The following SYT16 variants were observed in gnomAD, a reference collection of about 807,000 sequenced individuals.
The protein encoded by SYT16 is synaptotagmin 16.
A neutral mutation model predicts 61.4 loss-of-function variants in SYT16; 42 were observed. That is an observed-to-expected ratio of 0.68 (90% confidence interval 0.53 to 0.89). SYT16 has a LOEUF of 0.89. Ranked by LOEUF, SYT16 falls within the 40% of genes least tolerant of loss-of-function variation. The pLI is 0.00. For synonymous variants in SYT16, 314 were observed against 302.3 expected (o/e 1.04, Z -0.40); for missense variants, 804 against 807.3 (o/e 1.00, Z 0.05).
chr14:62,092,189 CACACACA>C, intron 7 of SYT16, among the ~76,000 whole-genome samples: 1 of 97,286 alleles, frequency 1.0e-5, no homozygotes, highest in Middle Eastern at 6.2e-3. Flanking sequence ...CACACACACA[CACACACA>C]CACACACACA....
At chr14:61,982,591 CA>C (rs1456476204) in intron 2 of SYT16, among the ~76,000 whole-genome samples, 1 of 152,066 alleles carries the variant, frequency 6.6e-6, no homozygotes, top group African/African-American at 2.4e-5. Context: ...ATGGGAGCTA[CA>C]GTTCAAGAAG....
chr14:61,918,565 A>G (rs1343587599), intron 1 of SYT16, among the ~76,000 whole-genome samples: 1 of 152,202 alleles, frequency 6.6e-6, no homozygotes, highest in Admixed American at 6.5e-5. Context: ...TTAAATGTTT[A>G]TATTCATGGA....
intron 4 of SYT16, among the ~76,000 whole-genome samples, chr14:62,070,962 G>A (rs895975551): frequency 3.3e-5 from 5 of 152,132 alleles, no homozygotes; most frequent in Non-Finnish European, 7.3e-5. Flanking sequence ...CAAGCAGACA[G>A]AATAAAGGAT....
At position 62,051,072 on chromosome 14, in the gene SYT16, G is replaced by T. The variant is rs920566022; in HGVS notation, c.524-18531G>T. On this transcript the variant is annotated intron_variant, in intron 3 of 7. Coordinates refer to ENST00000683842, the MANE Select transcript of SYT16 (RefSeq NM_001367656.1). ...TGGCTATGCCTTGCCCCCAGAGGTG[G>T]AGCCTACAGAGGCAGGCAGGCCTCC... Among the ~76,000 whole-genome samples the T allele has an allele frequency of 3.3e-5, 5 of 152,234 alleles. No individual in the cohort carries two copies. The South Asian group carries it at 1.0e-3, about 31-fold the overall frequency.
At chr14:62,112,575 G>GT (rs2057625991), downstream of SYT16, 1 of 152,022 alleles carries the variant, frequency 6.6e-6, no homozygotes, top group Non-Finnish European at 1.5e-5. Context: ...AATTTTTTAT[G>GT]TTAAAAAAAG....
chr14:62,075,614 A>G (rs1456240998), intron 5 of SYT16, among the ~76,000 whole-genome samples: 1 of 113,782 alleles, frequency 8.8e-6, no homozygotes, highest in Non-Finnish European at 1.8e-5. Flanking sequence ...TAAAAAAAAA[A>G]AAAAAGAAAA....
chr14:61,861,655 T>C (rs771254849), intron 1 of SYT16, among the ~76,000 whole-genome samples: 3 of 152,222 alleles, frequency 2.0e-5, no homozygotes, highest in Non-Finnish European at 4.4e-5. Context: ...TCTGCCCACA[T>C]TGGCCTCCCA....
At chr14:62,040,321 A>T (rs1451036600) in intron 3 of SYT16, among the ~76,000 whole-genome samples, 1 of 152,222 alleles carries the variant, frequency 6.6e-6, no homozygotes, top group African/African-American at 2.4e-5. Context: ...AAAAGAGAGA[A>T]AGATGCTAGA....
intron 1 of SYT16, among the ~76,000 whole-genome samples, chr14:61,888,216 C>T (rs1363332097): frequency 2.0e-5 from 3 of 150,676 alleles, no homozygotes; most frequent in Non-Finnish European, 2.9e-5. Flanking sequence ...CTCCCACGTT[C>T]TAACGATTCT....
intron 3 of SYT16, among the ~76,000 whole-genome samples, chr14:62,046,023 G>A (rs1209258321): frequency 1.3e-5 from 2 of 152,148 alleles, no homozygotes; most frequent in Non-Finnish European, 2.9e-5. Flanking sequence ...CTGAGGAATC[G>A]CCACACTGAC....
chr14:61,856,235 C>T (rs1481635534), intron 1 of SYT16, among the ~76,000 whole-genome samples: 1 of 152,190 alleles, frequency 6.6e-6, no homozygotes, highest in Admixed American at 6.5e-5. Flanking sequence ...CTAACACATA[C>T]ATCTCAACAG....
At position 62,102,249 on chromosome 14, in the gene SYT16, A is replaced by T. The variant is rs2057434724; in HGVS notation, c.*1542A>T. On this transcript the variant is annotated 3_prime_UTR_variant, in exon 8 of 8. Transcript: ENST00000683842. Reference sequence around the variant, plus strand: ...GCTGTAACACTTGAAGAACATATTTATTCCTTACAGTGTGTAATGGTTATC... The same window carrying T: ...GCTGTAACACTTGAAGAACATATTTTTTCCTTACAGTGTGTAATGGTTATC... 1 of 152,210 alleles carries T rather than the reference A, an allele frequency of 6.6e-6. No individual in the cohort carries two copies. Among genetic ancestry groups the T allele is most frequent in the Non-Finnish European group, 1.5e-5 (1 of 68,038 alleles). The allele number at this position is 152,210 out of a possible 1,614,324, so 9.4% of individuals were successfully genotyped here.
At chr14:61,941,560 T>A (rs1380253493) in intron 1 of SYT16, among the ~76,000 whole-genome samples, 1 of 152,208 alleles carries the variant, frequency 6.6e-6, no homozygotes, top group Non-Finnish European at 1.5e-5. Flanking sequence ...CTGTCCTCCA[T>A]GAGATAAAGC....
At chr14:62,044,051 G>T (rs1566791131) in intron 3 of SYT16, among the ~76,000 whole-genome samples, 1 of 151,900 alleles carries the variant, frequency 6.6e-6, no homozygotes, top group South Asian at 2.1e-4. Context: ...CCATTTTTAT[G>T]GGGGTCTTTT....
chr14:61,967,769 T>C (rs1382517740), intron 1 of SYT16, among the ~76,000 whole-genome samples: 3 of 152,160 alleles, frequency 2.0e-5, no homozygotes, highest in South Asian at 2.1e-4. Flanking sequence ...GGTGAACATA[T>C]GTACTTGAGG....
rs2051491648 is a variant in SYT16 at position 61,970,282 on chromosome 14, A to G, written c.-174A>G. The G allele has an allele frequency of 6.6e-6, 1 of 152,232 alleles. No homozygotes were observed. The highest frequency in any genetic ancestry group is 1.5e-5 in the Non-Finnish European group (1 of 68,080). The allele number at this position is 152,232 out of a possible 1,614,324, so 9.4% of individuals were successfully genotyped here. On this transcript the variant is annotated 5_prime_UTR_variant, in exon 2 of 8. Transcript: ENST00000683842. ...CATCGAGGGAAAAGAAAGCATTCTA[A>G]AGACAAGACTGGGATTCACAAGGGG...
intron 1 of SYT16, among the ~76,000 whole-genome samples, chr14:61,920,621 A>T (rs1270706190): frequency 6.6e-6 from 1 of 152,214 alleles, no homozygotes; most frequent in Non-Finnish European, 1.5e-5. Context: ...CACTGTAGAC[A>T]TTTGAGACAA....
intron 3 of SYT16, among the ~76,000 whole-genome samples, chr14:62,049,520 T>G (rs2055170634): frequency 6.6e-6 from 1 of 152,214 alleles, no homozygotes; most frequent in Non-Finnish European, 1.5e-5. Flanking sequence ...CCTGTCATTA[T>G]AATGTTAGCT....
At chr14:61,993,513 C>T (rs1595103329) in intron 2 of SYT16, among the ~76,000 whole-genome samples, 1 of 152,064 alleles carries the variant, frequency 6.6e-6, no homozygotes, top group African/African-American at 2.4e-5. Context: ...TTAAGGAAAA[C>T]ATGTCATTTC....
Sources: gnomAD v4.1 joint callset for allele counts (sites outside exome capture counted in the v4.1 genomes callset) on GRCh38, gnomAD v4.1.1 for gene constraint, MANE v1.5 for transcripts, NCBI Gene and HGNC (gene_info 2026-07-23, HGNC 2026-07-21) for gene names.